SMS: variants seen among roughly 807,000 people sequenced by gnomAD.
The protein encoded by SMS is spermine synthase.
Under a neutral mutation model 33.0 loss-of-function variants are expected in SMS, and 3 were observed. The ratio of observed to expected loss-of-function variants is 0.09; its 90% CI spans 0.04 to 0.23. The LOEUF (loss-of-function observed/expected upper bound fraction) is 0.23, where lower values mean the gene tolerates loss of function less well. Among genes scored for constraint, SMS ranks in the 10% least tolerant of loss-of-function variants. SMS has a pLI of 1.00. For synonymous variants in SMS, 103 were observed against 112.2 expected (o/e 0.92, Z 0.52); for missense variants, 117 against 288.6 (o/e 0.41, Z 4.31).
At chrX:21,946,055 A>G (rs187704188) in intron 1 of SMS, among the ~76,000 whole-genome samples, 26 of 107,572 alleles carry the variant, frequency 2.4e-4, no homozygotes, top group African/African-American at 7.7e-4. Flanking sequence ...TTTTGTGACA[A>G]TGACCAGGTG....
At chrX:21,950,171 A>G (rs1023885370) in intron 1 of SMS, among the ~76,000 whole-genome samples, 1 of 111,420 alleles carries the variant, frequency 9.0e-6, no homozygotes, top group African/African-American at 3.3e-5. Context: ...CTGAGTCACT[A>G]ATGTTACTGG....
At chrX:21,954,309 T>A (rs1053191143) in intron 1 of SMS, among the ~76,000 whole-genome samples, 2 of 112,032 alleles carry the variant, frequency 1.8e-5, no homozygotes, top group African/African-American at 3.2e-5. Flanking sequence ...CCAAAGAATA[T>A]GTGACAGAAA....
chrX:21,962,930 C>T (rs1031140442), intron 1 of SMS, among the ~76,000 whole-genome samples: 3 of 111,548 alleles, frequency 2.7e-5, no homozygotes, highest in African/African-American at 9.8e-5. Context: ...GTTGGGATTA[C>T]AGGCATGAAA....
intron 1 of SMS, among the ~76,000 whole-genome samples, chrX:21,944,539 A>AAG (rs1555992682): frequency 4.9e-5 from 4 of 81,437 alleles, no homozygotes; most frequent in Admixed American, 1.8e-4. Context: ...AAAAAAAAAA[A>AAG]AAAAAAGAAA....
chrX:21,993,113 C>A (rs1224250863), intron 10 of SMS, among the ~76,000 whole-genome samples: 1 of 112,260 alleles, frequency 8.9e-6, no homozygotes, highest in Admixed American at 9.5e-5. Context: ...GTGACCTGTT[C>A]TACCAGCCCT....
At chrX:21,981,642 G>T (rs1248246677) in intron 7 of SMS, among the ~76,000 whole-genome samples, 1 of 111,977 alleles carries the variant, frequency 8.9e-6, no homozygotes, top group Non-Finnish European at 1.9e-5. Context: ...CATTTCAGTT[G>T]ACTTGGGAAA....
intron 5 of SMS, 114 bp downstream of exon 5, chrX:21,977,350 G>C (rs1196930269): frequency 1.5e-6 from 1 of 689,600 alleles, no homozygotes; most frequent in African/African-American, 2.1e-5. Context: ...TTTTGACACT[G>C]CTGGTTTTTG....
intron 2 of SMS, among the ~76,000 whole-genome samples, chrX:21,970,746 T>G (rs1423295261): frequency 2.4e-5 from 1 of 42,118 alleles, no homozygotes; most frequent in Admixed American, 1.9e-4. Flanking sequence ...TTATTTTTAG[T>G]TTTTTTTTTT....
At chrX:21,959,950 G>C in intron 1 of SMS, 1 of 753,517 alleles carries the variant, frequency 1.3e-6, no homozygotes, top group African/African-American at 2.3e-5. Context: ...CCGGGTATAA[G>C]CCTGACCAAA....
chrX:21,944,539 A>AAAAAAAGAAAAAAG (rs1555992680), intron 1 of SMS, among the ~76,000 whole-genome samples: 3 of 81,440 alleles, frequency 3.7e-5, no homozygotes, highest in African/African-American at 1.5e-4. Flanking sequence ...AAAAAAAAAA[A>AAAAAAAGAAAAAAG]AAAAAAGAAA....
At chrX:21,941,017 GCA>G in intron 1 of SMS, 144 bp downstream of exon 1, 1 of 157,999 alleles carries the variant, frequency 6.3e-6, no homozygotes, top group Non-Finnish European at 1.0e-5. Context: ...GGACTGCCAC[GCA>G]CAGCGCGCTG....
At chrX:21,949,958 A>C (rs932981768) in intron 1 of SMS, among the ~76,000 whole-genome samples, 5 of 111,898 alleles carry the variant, frequency 4.5e-5, no homozygotes, top group Non-Finnish European at 7.5e-5. Flanking sequence ...TGGAAAAAAA[A>C]AAAAATCCAA....
intron 1 of SMS, among the ~76,000 whole-genome samples, chrX:21,957,222 A>C (rs189765954): frequency 2.7e-5 from 3 of 109,625 alleles, no homozygotes; most frequent in Non-Finnish European, 5.7e-5. Flanking sequence ...AGTTACCACA[A>C]ATTTAGTCAC....
At chrX:21,945,598 C>T (rs1388345710) in intron 1 of SMS, among the ~76,000 whole-genome samples, 2 of 108,276 alleles carry the variant, frequency 1.8e-5, no homozygotes, top group Non-Finnish European at 3.8e-5. Flanking sequence ...ACAAAACCCC[C>T]ACCGTGTGGT....
At chrX:21,950,433 CTTTTT>C (rs55704293) in intron 1 of SMS, among the ~76,000 whole-genome samples, 12 of 76,771 alleles carry the variant, frequency 1.6e-4, no homozygotes, top group Non-Finnish European at 2.5e-4. Flanking sequence ...TATGACAGGA[CTTTTT>C]TTTTTTTTTT....
chrX:21,991,056 G>A (rs965241077), intron 9 of SMS, among the ~76,000 whole-genome samples: 3 of 112,641 alleles, frequency 2.7e-5, no homozygotes, highest in East Asian at 2.8e-4. Context: ...CCTCTTGCCC[G>A]TGACTAGCTG....
In SMS at chrX:21,977,076, G is replaced by A; in HGVS notation, c.345G>A (p.Val115=). The stretch of plus-strand genomic sequence containing the variant: ...CTTTTTCCAGATTACCACCCATAGT[G>A]CGAGGAGGAGCCATCGACAGATACT... ...TGRVKRLPPI[V]RGGAIDRYWP... is the part of the protein sequence containing the mutation. The change falls in exon 5 of 11, where the codon GTG becomes GTA. Residue 115 remains valine, a synonymous_variant. Transcript: ENST00000404933. 1.7e-6 allele frequency: 2 copies of A among 1,210,437 alleles called. No individual in the cohort carries two copies. The highest frequency in any genetic ancestry group is 2.2e-6 in the Non-Finnish European group (2 of 894,178).
intron 1 of SMS, among the ~76,000 whole-genome samples, chrX:21,966,196 G>T (rs1386443559): frequency 8.9e-6 from 1 of 112,151 alleles, no homozygotes; most frequent in East Asian, 2.8e-4. Context: ...AATCAGCTGT[G>T]ACTCTTTGTT....
intron 4 of SMS, 107 bp from the exon 5 acceptor site, chrX:21,976,954 G>A (rs1924572355): frequency 1.3e-6 from 1 of 748,287 alleles, no homozygotes; most frequent in Non-Finnish European, 2.1e-6. Flanking sequence ...TTTTGTGCTT[G>A]TCAAAAGTCG....
Sources: gnomAD v4.1 joint callset for allele counts (sites outside exome capture counted in the v4.1 genomes callset) on GRCh38, gnomAD v4.1.1 for gene constraint, MANE v1.5 for transcripts, NCBI Gene and HGNC (gene_info 2026-07-23, HGNC 2026-07-21) for gene names.